The following VWF variants were observed in gnomAD, a reference collection of about 807,000 sequenced individuals.
VWF encodes the protein Factor VIII related antigen.
In VWF, 176 loss-of-function variants were observed where a neutral mutation model predicts 308.6. That is an observed-to-expected ratio of 0.57 (90% CI 0.50 to 0.65). The LOEUF is 0.65. VWF is among the 30% of genes least tolerant of loss of function. The pLI is 0.00. For synonymous variants in VWF, 1,385 were observed against 1,443.4 expected (o/e 0.96, Z 0.92); for missense variants, 3,146 against 3,648.2 (o/e 0.86, Z 3.55).
intron 5 of VWF, among the ~76,000 whole-genome samples, chr12:6,103,640 C>G (rs1230000371): frequency 6.6e-6 from 1 of 150,554 alleles, no homozygotes; most frequent in East Asian, 2.0e-4. Flanking sequence ...TTTGACAAAG[C>G]TGACAAGAAT....
intron 34 of VWF, among the ~76,000 whole-genome samples, chr12:6,003,919 C>T (rs1943900427): frequency 1.3e-5 from 2 of 151,192 alleles, no homozygotes; most frequent in Non-Finnish European, 2.9e-5. Flanking sequence ...GGGTTCACGC[C>T]ATTCTCCTGC....
chr12:6,040,643 G>A (rs973738225), intron 18 of VWF, among the ~76,000 whole-genome samples: 20 of 152,310 alleles, frequency 1.3e-4, no homozygotes, highest in African/African-American at 3.8e-4. Context: ...GTGAGGTTCC[G>A]ATACCATGCC....
intron 22 of VWF, among the ~76,000 whole-genome samples, chr12:6,027,849 TACACACACACACAC>T (rs138442170): frequency 2.3e-5 from 3 of 131,274 alleles, no homozygotes; most frequent in Admixed American, 7.2e-5. Flanking sequence ...GGAAGACACA[TACACACACACACAC>T]ACACACACAC....
chr12:6,028,711 G>C (rs1944222030), intron 22 of VWF, among the ~76,000 whole-genome samples: 1 of 152,168 alleles, frequency 6.6e-6, no homozygotes, highest in African/African-American at 2.4e-5. Context: ...AGCAAATGCT[G>C]AGAGATTTTG....
intron 47 of VWF, among the ~76,000 whole-genome samples, chr12:5,961,697 AC>A: frequency 6.6e-6 from 1 of 152,166 alleles, no homozygotes; most frequent in East Asian, 1.9e-4. Context: ...AACAAACAAA[AC>A]ATAAAATTTA....
intron 34 of VWF, among the ~76,000 whole-genome samples, chr12:5,999,408 G>A (rs902429035): frequency 9.2e-5 from 14 of 151,562 alleles, no homozygotes; most frequent in African/African-American, 3.4e-4. Flanking sequence ...GGGAAAGTCA[G>A]GGTCCAGAAA....
chr12:6,110,505 T>C lies in VWF; in HGVS notation c.401A>G (p.Tyr134Cys), dbSNP rs1486478814. 1.9e-6 allele frequency: 3 copies of C among 1,614,054 alleles called. No individual in the cohort carries two copies. Among genetic ancestry groups the C allele is most frequent in the East Asian group, 2.2e-5 (1 of 44,902 alleles). Reference protein sequence around the residue: ...AGYYKLSGEAYGFVARIDGSG... With the variant: ...AGYYKLSGEACGFVARIDGSG... ...GCCATCGATCCTGGCCACAAAGCCATAGGCCTCACCGGACAGCTTGTAGTA... is the reference window on the plus strand; with the variant it reads ...GCCATCGATCCTGGCCACAAAGCCACAGGCCTCACCGGACAGCTTGTAGTA... Residue 134 changes from tyrosine to cysteine, a missense_variant, in exon 5 of 52, where the codon TAT (tyrosine) becomes TGT (cysteine). Coordinates refer to ENST00000261405, the MANE Select transcript of VWF (RefSeq NM_000552.5).
rs61754019 is a variant in VWF at position 6,056,880 on chromosome 12, G to A, written c.1922C>T (p.Ala641Val). ...ACCACAGCGGCCTGGCTCGCGCCAC[G>A]CGACGCGCACGCCTCTCCCCGCGCA... ...AACAGRGVRV[A>V]WREPGRCELN... Residue 641 changes from alanine to valine, a missense_variant, in exon 15 of 52, where the codon GCG becomes GTG. Transcript: ENST00000261405. 1.4e-3 allele frequency: 2,075 copies of A among 1,482,824 alleles called. 1 individual carries two copies. The highest frequency in any genetic ancestry group is 1.7e-3 in the Non-Finnish European group (1,956 of 1,126,012). The allele number at this position is 1,482,824 out of a possible 1,614,324, so 91.9% of individuals were successfully genotyped here. A position where few individuals can be genotyped will look rare whatever the true frequency, so the allele number is the denominator to read the frequency against.
rs1197326218 is a variant in VWF at position 6,052,615 on chromosome 12, G to A, written c.2114C>T (p.Ala705Val). 6.2e-7 allele frequency: 1 copy of A among 1,614,270 alleles called. No individual in the cohort carries two copies. Among genetic ancestry groups the A allele is most frequent in the Non-Finnish European group, 8.5e-7 (1 of 1,180,056 alleles). Residue 705 changes from alanine (A) to valine (V), a missense_variant, in exon 16 of 52, where the codon GCC becomes GTC. Coordinates refer to ENST00000261405, the MANE Select transcript of VWF (RefSeq NM_000552.5). Reference sequence around the variant, plus strand: ...ACCGTCATAGTAACAGGGGCACTGGGCCTTGGGCACGCAGTCCCCCCTCTC... The same window carrying A: ...ACCGTCATAGTAACAGGGGCACTGGACCTTGGGCACGCAGTCCCCCCTCTC... Reference protein sequence around the residue: ...MDERGDCVPKAQCPCYYDGEI... With the variant: ...MDERGDCVPKVQCPCYYDGEI...
intron 6 of VWF, among the ~76,000 whole-genome samples, chr12:6,094,709 C>CT (rs922707957): frequency 2.6e-5 from 4 of 151,748 alleles, no homozygotes; most frequent in Non-Finnish European, 5.9e-5. Context: ...CTTCAGTGTA[C>CT]TTTTTTTCTT....
Position 6,016,605 on chromosome 12 carries a change from A to G in VWF, c.5222T>C (p.Ile1741Thr), listed in dbSNP as rs749377211. Residue 1741 changes from isoleucine (I) to threonine (T), a missense_variant, in exon 30 of 52, where the codon ATT becomes ACT. This residue lies in a region of VWF where 853 missense variants were observed against 1,177.8 expected (regional missense o/e 0.72). Transcript: ENST00000261405. ...CGGGACCACGTTCCATGGCACGTCA[A>G]TGGTGGTGATGCTTCCATACTGCAG... ...SVLQYGSITTIDVPWNVVPEK... is the reference protein window; with the variant it reads ...SVLQYGSITTTDVPWNVVPEK... 47 of 1,614,096 alleles carry G rather than the reference A, an allele frequency of 2.9e-5. No individual in the cohort carries two copies. Among genetic ancestry groups the G allele is most frequent in the Non-Finnish European group, 3.6e-5 (42 of 1,180,044 alleles).
intron 6 of VWF, among the ~76,000 whole-genome samples, chr12:6,076,263 ACTTCTG>A (rs1209109676): frequency 5.3e-5 from 8 of 152,310 alleles, no homozygotes; most frequent in Admixed American, 5.2e-4. Flanking sequence ...ATCATTTCCT[ACTTCTG>A]CTCACTCACG....
intron 10 of VWF, among the ~76,000 whole-genome samples, chr12:6,067,196 G>T (rs1237243634): frequency 1.3e-5 from 2 of 152,176 alleles, no homozygotes; most frequent in Non-Finnish European, 2.9e-5. Flanking sequence ...AGTCCAGTGA[G>T]GTCTCAGGAA....
chr12:6,022,136 T>C lies in VWF; in HGVS notation c.3539-101A>G. On this transcript the variant is annotated intron_variant, in intron 26 of 51. Coordinates refer to ENST00000261405, the MANE Select transcript of VWF (RefSeq NM_000552.5). Reference sequence around the variant, plus strand: ...GAGGAGCCAACTCCTCCTCCTGCCCTAGAAGCCAACTCCTCCTGCCTGCAC... The same window carrying C: ...GAGGAGCCAACTCCTCCTCCTGCCCCAGAAGCCAACTCCTCCTGCCTGCAC... 2.6e-6 allele frequency: 4 copies of C among 1,550,668 alleles called. No homozygotes were observed. The South Asian group carries it at 3.4e-5, about 13-fold the overall frequency.
rs117209709 is a variant in VWF, at chr12:6,091,686, G to C, written c.657+3774C>G. Among the ~76,000 whole-genome samples the C allele has an allele frequency of 1.7e-3, 265 of 152,242 alleles. 2 individuals are homozygous for C. In the East Asian group the frequency reaches 0.025, roughly 15 times the overall value. On this transcript the variant is annotated intron_variant, in intron 6 of 51. Coordinates refer to ENST00000261405, the MANE Select transcript of VWF (RefSeq NM_000552.5). ...AGCCTCCTGAGCAGCTGGGTCTACA[G>C]GTATGAGCCACCGCACCAGGCTAAT... is the stretch of plus-strand genomic sequence containing the variant.
chr12:6,062,118 T>A (rs1281570397), intron 13 of VWF, among the ~76,000 whole-genome samples: 1 of 152,170 alleles, frequency 6.6e-6, no homozygotes, highest in Non-Finnish European at 1.5e-5. Context: ...TAAATACCAA[T>A]AAATATAATC....
Position 6,057,100 on chromosome 12 carries a change from A to C in VWF, c.1730-28T>G, listed in dbSNP as rs566853319. The C allele has an allele frequency of 5.9e-6, 9 of 1,522,904 alleles. No individual in the cohort carries two copies. The African/African-American group carries it at 1.1e-4, about 19-fold the overall frequency. The allele number at this position is 1,522,904 out of a possible 1,614,324, so 94.3% of individuals were successfully genotyped here. ...GTGGGGCGAGAGGAGCGAGCCTGGG[A>C]TGTGGTGGGGAGGAGTGGGGGCCAC... is the stretch of plus-strand genomic sequence containing the variant. On this transcript the variant is annotated intron_variant, in intron 14 of 51. Coordinates refer to ENST00000261405, the MANE Select transcript of VWF (RefSeq NM_000552.5).
chr12:6,024,561 G>A lies in VWF; in HGVS notation c.3223-774C>T, dbSNP rs577694015. Among the ~76,000 whole-genome samples the A allele has an allele frequency of 8.5e-5, 13 of 152,342 alleles. No homozygotes were observed. Among genetic ancestry groups the A allele is most frequent in the Admixed American group, 8.5e-4 (13 of 15,304 alleles). On this transcript the variant is annotated intron_variant, in intron 24 of 51. Transcript: ENST00000261405. The surrounding 1 kb of genome is among the most constrained non-coding windows in gnomAD (Gnocchi z 4.0). ...CCGAAAATCACTGCATAGATAGAAA[G>A]AGAATTGAGATCCATGTTTTCAACC...
At chr12:6,122,922 T>C (rs745913346) in intron 2 of VWF, 1 of 751,646 alleles carries the variant, frequency 1.3e-6, no homozygotes, top group Non-Finnish European at 2.4e-6. Context: ...ACCTTTATGC[T>C]TCTTAATTCC....
Sources: gnomAD v4.1 joint callset for allele counts (sites outside exome capture counted in the v4.1 genomes callset) on GRCh38, gnomAD v4.1.1 for gene constraint, gnomAD v4.1.1 regional missense constraint, Gnocchi (gnomAD v3.1) non-coding constraint, MANE v1.5 for transcripts, NCBI Gene and HGNC (gene_info 2026-07-23, HGNC 2026-07-21) for gene names.